Variants in GTF3C2 observed in about 807,000 individuals in gnomAD.
GTF3C2 encodes the protein general transcription factor IIIC subunit 2.
Under a neutral mutation model 117.4 loss-of-function variants are expected in GTF3C2, and 17 were observed. The ratio of observed to expected loss-of-function variants is 0.14; its 90% CI spans 0.10 to 0.22. The LOEUF (loss-of-function observed/expected upper bound fraction) is 0.22. Among genes scored for constraint, GTF3C2 ranks in the 10% least tolerant of loss-of-function variants. The pLI is 1.00. For synonymous variants in GTF3C2, 437 were observed against 427.0 expected, an observed-to-expected ratio of 1.02 and a Z score of -0.29; for missense variants, 888 against 1,143.6, an observed-to-expected ratio of 0.78 and a Z score of 3.22.
rs929094883 is a variant in GTF3C2 at position 27,354,359 on chromosome 2, C to T, written c.-25+2380G>A. Among the ~76,000 whole-genome samples the T allele has an allele frequency of 4.6e-5, 7 of 152,234 alleles. No homozygotes were observed. In the South Asian group the frequency reaches 8.3e-4, roughly 18 times the overall value. On this transcript the variant is annotated intron_variant, in intron 1 of 18. Transcript: ENST00000264720. ...AGTGGAAGCAGACTGACCACGTCTA[C>T]AGGAGAAAAACCTTCAAGCTTCAAG...
At chr2:27,341,397 A>C (rs902365949) in intron 4 of GTF3C2, 1 of 152,706 alleles carries the variant, frequency 6.5e-6, no homozygotes, top group African/African-American at 2.4e-5. Flanking sequence ...TTTTACCACC[A>C]AAAAAAACCA....
intron 10 of GTF3C2, among the ~76,000 whole-genome samples, 166 bp from the exon 11 acceptor site, chr2:27,334,165 A>G (rs901739450): frequency 2.7e-5 from 4 of 150,758 alleles, no homozygotes; most frequent in African/African-American, 9.8e-5. Context: ...TGCTGGGATT[A>G]TAAGTGTGAG....
chr2:27,341,308 T>A (rs1470418584), intron 4 of GTF3C2: 1 of 152,566 alleles, frequency 6.6e-6, no homozygotes, highest in African/African-American at 2.4e-5. Context: ...AGTGCTGGGA[T>A]TACAGGCATA....
At chr2:27,343,774 G>A (rs935457209) in intron 1 of GTF3C2, 196 bp from the exon 2 acceptor site, 23 of 524,508 alleles carry the variant, frequency 4.4e-5, no homozygotes, top group Middle Eastern at 5.3e-4. Flanking sequence ...AGCCAGGTGC[G>A]GTGGCTCACA....
In GTF3C2 at chr2:27,333,595, A is replaced by G. The variant is rs780023801; in HGVS notation, c.1732+60T>C. On this transcript the variant is annotated intron_variant, in intron 12 of 18. Coordinates refer to ENST00000264720, the Ensembl canonical transcript of GTF3C2. ...ACCACCAAAGAAAGAACCAAAAAAC[A>G]AGCATATATAAAAAATTTAAAGAGC... is the stretch of plus-strand genomic sequence containing the variant. 1.0e-5 allele frequency: 12 copies of G among 1,164,080 alleles called. No individual in the cohort carries two copies. The South Asian group carries it at 1.4e-4, about 14-fold the overall frequency. 72.1% of individuals were successfully genotyped at this position (1,164,080 alleles called of 1,614,324 possible). A position where few individuals can be genotyped will look rare whatever the true frequency, so the allele number is the denominator to read the frequency against.
At chr2:27,332,326 A>G (rs893026852) in intron 12 of GTF3C2, among the ~76,000 whole-genome samples, 2 of 150,484 alleles carry the variant, frequency 1.3e-5, no homozygotes, top group Non-Finnish European at 3.0e-5. Flanking sequence ...CATTTTTATA[A>G]AACTCTTTCC....
At chr2:27,353,091 T>C (rs997886605) in intron 1 of GTF3C2, among the ~76,000 whole-genome samples, 11 of 152,184 alleles carry the variant, frequency 7.2e-5, no homozygotes, top group African/African-American at 2.7e-4. Context: ...TCATATAAAA[T>C]ACTATAAAGA....
intron 10 of GTF3C2, among the ~76,000 whole-genome samples, chr2:27,334,618 C>G (rs1485973906): frequency 6.6e-6 from 1 of 151,974 alleles, no homozygotes; most frequent in Non-Finnish European, 1.5e-5. Context: ...CCACCACCCT[C>G]AATTACTGGT....
chr2:27,353,192 A>C (rs1242342245), intron 1 of GTF3C2, among the ~76,000 whole-genome samples: 1 of 152,130 alleles, frequency 6.6e-6, no homozygotes, highest in Non-Finnish European at 1.5e-5. Flanking sequence ...CAGGAGATCG[A>C]GACCATCCTG....
chr2:27,347,252 C>T lies in GTF3C2; in HGVS notation c.-24-3674G>A, dbSNP rs76408859. On this transcript the variant is annotated intron_variant, in intron 1 of 18. Coordinates refer to ENST00000264720, the Ensembl canonical transcript of GTF3C2. ...CCCGCCCCCCACAGATCTATATATA[C>T]GCCTTAAGAATAAACAATTCATCAG... 5.9e-3 allele frequency among the ~76,000 whole-genome samples: 894 copies of T among 152,234 alleles called. 11 individuals are homozygous for T. The highest frequency in any genetic ancestry group is 0.02 in the African/African-American group (834 of 41,534).
chr2:27,353,904 G>T (rs1681230065), intron 1 of GTF3C2, among the ~76,000 whole-genome samples: 2 of 151,614 alleles, frequency 1.3e-5, no homozygotes, highest in African/African-American at 4.9e-5. Context: ...TATTTTTTTT[G>T]TAGAGACAGG....
At chr2:27,345,354 A>C (rs1680880154) in intron 1 of GTF3C2, among the ~76,000 whole-genome samples, 1 of 152,168 alleles carries the variant, frequency 6.6e-6, no homozygotes, top group Non-Finnish European at 1.5e-5. Flanking sequence ...GCACTTTGAA[A>C]GGCTGAGGCA....
At chr2:27,332,422 G>GTT (rs201422768) in intron 12 of GTF3C2, among the ~76,000 whole-genome samples, 2 of 148,172 alleles carry the variant, frequency 1.3e-5, no homozygotes, top group African/African-American at 4.9e-5. Flanking sequence ...ATTATTTTTA[G>GTT]TTTTTTTTTT....
chr2:27,352,790 A>C (rs1042868579), intron 1 of GTF3C2, among the ~76,000 whole-genome samples: 8 of 152,216 alleles, frequency 5.3e-5, no homozygotes, highest in Non-Finnish European at 8.8e-5. Context: ...AATCATCAAT[A>C]ATCACTGTAT....
chr2:27,336,015 C>G (rs779757513), exon 9 of GTF3C2: 1 of 1,611,496 alleles, frequency 6.2e-7, no homozygotes, highest in South Asian at 1.1e-5. Flanking sequence ...ACAAAGTGGG[C>G]CCTGTTGCCA....
chr2:27,339,350 G>T (rs1286816400), intron 4 of GTF3C2, among the ~76,000 whole-genome samples: 4 of 150,102 alleles, frequency 2.7e-5, no homozygotes, highest in African/African-American at 4.9e-5. Flanking sequence ...TGGAGGTTGT[G>T]GTGAGCTGAG....
chr2:27,329,578 C>A lies in GTF3C2; in HGVS notation c.1733-55G>T. 6.4e-7 allele frequency: 1 copy of A among 1,571,370 alleles called. No individual in the cohort carries two copies. Among genetic ancestry groups the A allele is most frequent in the South Asian group, 1.1e-5 (1 of 88,356 alleles). On this transcript the variant is annotated intron_variant, in intron 12 of 18. Coordinates refer to ENST00000264720, the Ensembl canonical transcript of GTF3C2. This position sits in a 1 kb window ranked among gnomAD's most constrained non-coding sequence, Gnocchi z 4.5. ...AAAAGCAAGTTCTCTCTTCCTTGCT[C>A]TAATTTCTTTCTCTGGGCTCCTAGG...
At position 27,334,405 on chromosome 2, in the gene GTF3C2, G is replaced by A. The variant is rs77965000; in HGVS notation, c.1577-406C>T. Among the ~76,000 whole-genome samples the A allele has an allele frequency of 2.0e-5, 3 of 152,016 alleles. No individual in the cohort carries two copies. The East Asian group carries it at 5.8e-4, about 29-fold the overall frequency. ...TAGTATCCTTCCTCCTATCAGAAGA[G>A]CAATCCCTTCACTCTACTCTCTTCT... On this transcript the variant is annotated intron_variant, in intron 10 of 18. Transcript: ENST00000264720.
exon 2 of GTF3C2, chr2:27,343,372 C>T: frequency 6.2e-7 from 1 of 1,614,110 alleles, no homozygotes; most frequent in Non-Finnish European, 8.5e-7. Flanking sequence ...CAGGAGAATC[C>T]TCAAATCCAG....
Sources: gnomAD v4.1 joint callset for allele counts (sites outside exome capture counted in the v4.1 genomes callset) on GRCh38, gnomAD v4.1.1 for gene constraint, Gnocchi (gnomAD v3.1) non-coding constraint, MANE v1.5 for transcripts, NCBI Gene and HGNC (gene_info 2026-07-23, HGNC 2026-07-21) for gene names.